Variants in RASSF2 observed in about 807,000 individuals in gnomAD.
The protein encoded by RASSF2 is Ras association domain family member 2, also known as ras association domain-containing protein 2.
In RASSF2, 34 loss-of-function variants were observed where a neutral mutation model predicts 46.3. The ratio of observed to expected loss-of-function variants is 0.73; its 90% CI spans 0.56 to 0.98. The LOEUF is 0.98. RASSF2 is among the 50% of genes least tolerant of loss of function. The pLI is 0.00. For synonymous variants in RASSF2, 158 were observed against 162.5 expected, an observed-to-expected ratio of 0.97 and a Z score of 0.21; for missense variants, 364 against 431.2, an observed-to-expected ratio of 0.84 and a Z score of 1.38.
chr20:4,786,318 T>C lies in RASSF2; in HGVS notation c.824A>G (p.Tyr275Cys), dbSNP rs1485852692. ...AAGTACCGGCATCTCGAACTTTATA[T>C]ACTGGGCCACCTAGAGAGAAAGAAG... The part of the protein sequence containing the change: ...VEEVTYDVAQ[Y>C]IKFEMPVLKS... The change falls in exon 11 of 12, where the codon TAT becomes TGT. Residue 275 changes from tyrosine to cysteine, a missense_variant. Coordinates refer to ENST00000379400, the MANE Select transcript of RASSF2 (RefSeq NM_014737.3). 2 of 1,607,006 alleles carry C rather than the reference T, an allele frequency of 1.2e-6. No individual in the cohort carries two copies. Among genetic ancestry groups the C allele is most frequent in the Non-Finnish European group, 1.7e-6 (2 of 1,173,522 alleles).
At chr20:4,810,117 A>G (rs1278406025) in intron 2 of RASSF2, among the ~76,000 whole-genome samples, 4 of 152,128 alleles carry the variant, frequency 2.6e-5, no homozygotes, top group Admixed American at 2.6e-4. Context: ...ACCCACTCTC[A>G]AGTTGGGAGG....
At chr20:4,804,981 G>T (rs978036871) in intron 2 of RASSF2, among the ~76,000 whole-genome samples, 50 of 152,122 alleles carry the variant, frequency 3.3e-4, no homozygotes, top group African/African-American at 1.2e-3. Context: ...AAGATGAGGG[G>T]CGAGTAGGTC....
Position 4,789,656 on chromosome 20 carries a change from G to C in RASSF2, c.579C>G (p.Val193=). The C allele has an allele frequency of 6.2e-7, 1 of 1,614,150 alleles. No homozygotes were observed. The highest frequency in any genetic ancestry group is 1.1e-5 in the South Asian group (1 of 91,082). The change falls in exon 8 of 12, where the codon GTC becomes GTG. Residue 193 remains valine, a synonymous_variant. Transcript: ENST00000379400. ...FTPAYGSVTN[V]RINSTMTTPQ... is the part of the protein sequence containing the mutation. ...GGGTGGTCATGGTGCTGTTGATGCG[G>C]ACGTTGGTGACAGAGCCATAGGCTG...
In RASSF2 at chr20:4,795,816, C is replaced by T; in HGVS notation, c.286G>A (p.Gly96Arg). The T allele has an allele frequency of 6.2e-7, 1 of 1,609,870 alleles. No individual in the cohort carries two copies. Among genetic ancestry groups the T allele is most frequent in the Non-Finnish European group, 8.5e-7 (1 of 1,177,574 alleles). The change falls in exon 5 of 12, where the codon GGA (glycine) becomes AGA (arginine). Residue 96 changes from glycine (G) to arginine (R), a missense_variant and splice_region_variant. By Grantham distance (125) the Gly-to-Arg change is moderately radical (BLOSUM62 -2). Coordinates refer to ENST00000379400, the MANE Select transcript of RASSF2 (RefSeq NM_014737.3). This position sits in a 1 kb window ranked among gnomAD's most constrained non-coding sequence, Gnocchi z 4.0. Reference protein sequence around the residue: ...WHSGCNLGAQGTTLKPLTVPK... With the variant: ...WHSGCNLGAQRTTLKPLTVPK... ...CCTGCCCCGTCTCTCCTCACTCACC[C>T]CTGAGCCCCCAGGTTACAGCCAGAG...
At chr20:4,820,326 G>A (rs552034816) in intron 2 of RASSF2, among the ~76,000 whole-genome samples, 7 of 152,036 alleles carry the variant, frequency 4.6e-5, no homozygotes, top group Non-Finnish European at 7.4e-5. Context: ...ATAACATAGC[G>A]AGACTTCATC....
intron 2 of RASSF2, among the ~76,000 whole-genome samples, chr20:4,807,990 A>T (rs368769541): frequency 2.0e-5 from 3 of 152,252 alleles, no homozygotes; most frequent in African/African-American, 7.2e-5. Flanking sequence ...GGCAAACAGC[A>T]GCAGCACTAA....
chr20:4,815,953 T>A (rs760388555), intron 2 of RASSF2, among the ~76,000 whole-genome samples: 4 of 152,196 alleles, frequency 2.6e-5, no homozygotes, highest in Non-Finnish European at 5.9e-5. Context: ...ACCACAGCTG[T>A]CTCCCGGGGC....
intron 2 of RASSF2, among the ~76,000 whole-genome samples, chr20:4,809,723 G>T (rs996919490): frequency 6.6e-6 from 1 of 152,236 alleles, no homozygotes; most frequent in Non-Finnish European, 1.5e-5. Context: ...TATTGTGCAG[G>T]TGTTTTCAGG....
rs140466704 is a variant in RASSF2, at chr20:4,822,683, C to G, written c.-107-280G>C. Among the ~76,000 whole-genome samples the G allele has an allele frequency of 1.4e-3, 217 of 152,366 alleles. 1 individual carries two copies. In the Middle Eastern group the frequency reaches 0.017, roughly 12 times the overall value. On this transcript the variant is annotated intron_variant, in intron 1 of 11. Transcript: ENST00000379400. ...AGAAGACGCCAGGCTGAGGTCCCAG[C>G]GACCTCAGGCACCAGCTCCGAAGGA...
In RASSF2 at chr20:4,788,215, AC is replaced by A; in HGVS notation, c.691+1del. On this transcript the variant is annotated splice_donor_variant, in intron 9 of 11. Coordinates refer to ENST00000379400, the MANE Select transcript of RASSF2 (RefSeq NM_014737.3). LOFTEE classifies it high-confidence loss of function. ...AAAGTACACTGTGGTCTTCAGACTT[AC>A]CACCACTCGTATGGACCACGTACAA... The A allele has an allele frequency of 6.3e-7, 1 of 1,590,748 alleles. No homozygotes were observed. The highest frequency in any genetic ancestry group is 8.6e-7 in the Non-Finnish European group (1 of 1,158,762).
intron 3 of RASSF2, among the ~76,000 whole-genome samples, chr20:4,800,500 T>C (rs1450698356): frequency 6.6e-6 from 1 of 152,196 alleles, no homozygotes; most frequent in Non-Finnish European, 1.5e-5. Context: ...GCCTTCTCAC[T>C]GCGTCCTCAC....
intron 7 of RASSF2, among the ~76,000 whole-genome samples, chr20:4,789,902 C>T (rs1925722796): frequency 1.3e-5 from 2 of 152,162 alleles, no homozygotes; most frequent in Admixed American, 1.3e-4. Flanking sequence ...TCAAAAAGAC[C>T]CTTCCTCTGG....
intron 8 of RASSF2, among the ~76,000 whole-genome samples, 161 bp downstream of exon 8, chr20:4,789,435 T>G (rs1925666000): frequency 6.6e-6 from 1 of 152,162 alleles, no homozygotes; most frequent in Non-Finnish European, 1.5e-5. Context: ...TGATGCTGAT[T>G]CTGTGGACTT....
chr20:4,791,413 C>T (rs191253848), intron 6 of RASSF2, among the ~76,000 whole-genome samples: 272 of 152,026 alleles, frequency 1.8e-3, no homozygotes, highest in Non-Finnish European at 3.2e-3. Context: ...AGATGGTAAA[C>T]GTTATGTTAT....
chr20:4,817,048 T>C (rs1475173076), intron 2 of RASSF2, among the ~76,000 whole-genome samples: 1 of 152,122 alleles, frequency 6.6e-6, no homozygotes, highest in Non-Finnish European at 1.5e-5. Flanking sequence ...GAGATTGCAG[T>C]GAGTTGAGAT....
At chr20:4,815,317 C>A (rs1015574907) in intron 2 of RASSF2, among the ~76,000 whole-genome samples, 6 of 152,154 alleles carry the variant, frequency 3.9e-5, no homozygotes, top group Non-Finnish European at 8.8e-5. Flanking sequence ...CCATCCTTGC[C>A]CTAAATGTCT....
At chr20:4,797,383 G>T (rs866872366) in intron 4 of RASSF2, among the ~76,000 whole-genome samples, 3 of 152,176 alleles carry the variant, frequency 2.0e-5, no homozygotes. Context: ...TACACATAGG[G>T]ACCTTTTTAT....
intron 2 of RASSF2, among the ~76,000 whole-genome samples, chr20:4,810,563 C>A (rs753091113): frequency 1.6e-4 from 24 of 152,206 alleles, no homozygotes; most frequent in Non-Finnish European, 3.2e-4. Context: ...GGTTTCAGTT[C>A]CAGCCTGGAG....
At position 4,790,491 on chromosome 20, in the gene RASSF2, C is replaced by T. The variant is rs746569074; in HGVS notation, c.497G>A (p.Arg166His). The T allele has an allele frequency of 6.0e-6, 9 of 1,512,240 alleles. 1 individual carries two copies. The Admixed American group carries it at 9.8e-5, about 17-fold the overall frequency. 93.7% of individuals were successfully genotyped at this position (1,512,240 alleles called of 1,614,324 possible). A position where few individuals can be genotyped will look rare whatever the true frequency, so the allele number is the denominator to read the frequency against. The part of the protein sequence containing the change: ...RTPSDQRRIR[R>H]HRFSINGHFY... ...ATGGCCGTTGATGGAGAAGCGGTGGCGTCTGATTCGCCGCTGGTCACTAGG... is the reference window on the plus strand; with the variant it reads ...ATGGCCGTTGATGGAGAAGCGGTGGTGTCTGATTCGCCGCTGGTCACTAGG... The change falls in exon 7 of 12, where the codon CGC (arginine) becomes CAC (histidine). Residue 166 changes from arginine to histidine, a missense_variant. By Grantham distance (29) the Arg-to-His change is conservative (BLOSUM62 0). Transcript: ENST00000379400. The surrounding 1 kb of genome is among the most constrained non-coding windows in gnomAD (Gnocchi z 4.3).
Sources: allele counts gnomAD v4.1 joint callset (sites outside exome capture counted in the v4.1 genomes callset), GRCh38; gene constraint gnomAD v4.1.1; non-coding constraint Gnocchi (gnomAD v3.1); transcripts MANE v1.5; gene names NCBI Gene and HGNC (gene_info 2026-07-23, HGNC 2026-07-21).